Variants in OR52N4 observed in about 807,000 individuals in gnomAD.
OR52N4 encodes the protein olfactory receptor 52N4.
OR52N4 carries 15 observed loss-of-function variants against 15.0 expected under a neutral mutation model. That is an observed-to-expected ratio of 1.00 (90% CI 0.67 to 1.54). The LOEUF is 1.54. OR52N4 is among the 40% of genes most tolerant of loss of function. The pLI, the probability that OR52N4 is intolerant of heterozygous loss-of-function variation, is 0.00. For synonymous variants in OR52N4, 143 were observed against 143.7 expected (o/e 1.00, Z 0.03); for missense variants, 421 against 394.0 (o/e 1.07, Z -0.58).
the OR52N4 span, among the ~76,000 whole-genome samples, chr11:5,731,711 G>GC: frequency 1.3e-5 from 2 of 152,098 alleles, no homozygotes; most frequent in Admixed American, 1.3e-4. Flanking sequence ...TGCCATGTGA[G>GC]CCATGGAAAG....
chr11:5,755,387 T>A lies in OR52N4; in HGVS notation c.647T>A (p.Ile216Asn). ...LLIWGFDILCITNSYTMILRA... is the reference protein window; with the variant it reads ...LLIWGFDILCNTNSYTMILRA... ...ATTTGGGGCTTTGACATACTGTGTATCACCAACTCCTATACCATGATTCTC... is the reference window on the plus strand; with the variant it reads ...ATTTGGGGCTTTGACATACTGTGTAACACCAACTCCTATACCATGATTCTC... The change falls in exon 2 of 2, where the codon ATC (isoleucine) becomes AAC (asparagine). Residue 216 changes from isoleucine to asparagine, a missense_variant. Coordinates refer to ENST00000641350, the MANE Select transcript of OR52N4 (RefSeq NM_001005175.5). 1 of 1,614,054 alleles carries A rather than the reference T, an allele frequency of 6.2e-7. No homozygotes were observed. Among genetic ancestry groups the A allele is most frequent in the Non-Finnish European group, 8.5e-7 (1 of 1,179,986 alleles).
the OR52N4 span, chr11:5,737,020 G>C: frequency 6.2e-7 from 1 of 1,614,076 alleles, no homozygotes. Context: ...TCACTCCAGT[G>C]CCTGTGCTTG....
At chr11:5,729,958 T>C in the OR52N4 span, among the ~76,000 whole-genome samples, 1 of 152,188 alleles carries the variant, frequency 6.6e-6, no homozygotes, top group African/African-American at 2.4e-5. Flanking sequence ...TATCAGTTAC[T>C]TCTTGGATGT....
the OR52N4 span, among the ~76,000 whole-genome samples, chr11:5,741,382 T>C: frequency 6.6e-6 from 1 of 152,224 alleles, no homozygotes; most frequent in Admixed American, 6.5e-5. Context: ...AGACTCACTG[T>C]GACAGTGACT....
At chr11:5,737,293 CT>C in the OR52N4 span, 1 of 1,614,138 alleles carries the variant, frequency 6.2e-7, no homozygotes, top group Non-Finnish European at 8.5e-7. Flanking sequence ...TCATCCTTTT[CT>C]TTTACACTAT....
chr11:5,755,229 C>T lies in OR52N4; in HGVS notation c.489C>T (p.Phe163=), dbSNP rs1564958898. ...RGVLLIIPFT[F]LTKLLPYCRG... is the part of the protein sequence containing the mutation. ...TATTACTCATTATTCCCTTTACTTT[C>T]CTCACCAAGCTCCTGCCCTACTGCA... Residue 163 remains phenylalanine, a synonymous_variant, in exon 2 of 2, where the codon TTC becomes TTT. Coordinates refer to ENST00000641350, the MANE Select transcript of OR52N4 (RefSeq NM_001005175.5). 6.2e-7 allele frequency: 1 copy of T among 1,613,878 alleles called. No individual in the cohort carries two copies. Among genetic ancestry groups the T allele is most frequent in the Admixed American group, 1.7e-5 (1 of 59,974 alleles).
upstream of OR52N4, among the ~76,000 whole-genome samples, chr11:5,750,911 G>A (rs1854176634): frequency 6.6e-6 from 1 of 151,856 alleles, no homozygotes; most frequent in South Asian, 2.1e-4. Flanking sequence ...GAGTTTATAA[G>A]CTGCTATGTA....
the OR52N4 span, among the ~76,000 whole-genome samples, chr11:5,746,602 A>C: frequency 1.3e-5 from 2 of 152,212 alleles, no homozygotes; most frequent in Non-Finnish European, 2.9e-5. Context: ...TTAAAACCAC[A>C]ATGAGATATT....
chr11:5,752,392 T>C (rs534115694), upstream of OR52N4, among the ~76,000 whole-genome samples: 7 of 152,328 alleles, frequency 4.6e-5, no homozygotes, highest in South Asian at 1.5e-3. Context: ...GTGACTGTAC[T>C]TCCTATCAGA....
chr11:5,730,037 T>A, the OR52N4 span, among the ~76,000 whole-genome samples: 2 of 150,286 alleles, frequency 1.3e-5, no homozygotes, highest in Non-Finnish European at 3.0e-5. Flanking sequence ...ATAACCTTAG[T>A]GATTTTTTTT....
the OR52N4 span, chr11:5,738,431 G>A: frequency 6.6e-6 from 1 of 151,078 alleles, no homozygotes; most frequent in Admixed American, 6.6e-5. Flanking sequence ...AGTAGTCTCT[G>A]AGTGCCCAGC....
chr11:5,736,644 T>C, the OR52N4 span: 1 of 1,614,032 alleles, frequency 6.2e-7, no homozygotes, highest in East Asian at 2.2e-5. Context: ...CTGGCACTAC[T>C]GTATCTCTCA....
the OR52N4 span, among the ~76,000 whole-genome samples, chr11:5,743,036 A>G: frequency 4.6e-5 from 7 of 152,190 alleles, no homozygotes; most frequent in Non-Finnish European, 1.0e-4. Flanking sequence ...CAAAGCAAAA[A>G]GGTATAAAAA....
chr11:5,737,302 T>C, the OR52N4 span: 19 of 1,614,096 alleles, frequency 1.2e-5, no homozygotes, highest in Non-Finnish European at 1.6e-5. Context: ...TCTTTTACAC[T>C]ATTGTTGTAG....
At chr11:5,737,217 T>C in the OR52N4 span, 1 of 1,614,124 alleles carries the variant, frequency 6.2e-7, no homozygotes, top group Non-Finnish European at 8.5e-7. Context: ...CTGTACTCTG[T>C]ACTTAGACTG....
the OR52N4 span, among the ~76,000 whole-genome samples, chr11:5,735,181 C>A: frequency 6.6e-6 from 1 of 151,980 alleles, no homozygotes; most frequent in Non-Finnish European, 1.5e-5. Context: ...CCTGCAATAG[C>A]TTCCACCATG....
the OR52N4 span, among the ~76,000 whole-genome samples, chr11:5,745,472 C>G: frequency 2.0e-5 from 3 of 151,902 alleles, no homozygotes; most frequent in Non-Finnish European, 4.4e-5. Flanking sequence ...TATACAATAC[C>G]TAGGAATACA....
the OR52N4 span, among the ~76,000 whole-genome samples, chr11:5,749,097 A>G: frequency 1.3e-5 from 2 of 151,116 alleles, no homozygotes; most frequent in Non-Finnish European, 3.0e-5. Context: ...AGGAATTTAT[A>G]GGCTGATAGC....
chr11:5,731,392 G>T, the OR52N4 span, among the ~76,000 whole-genome samples: 2 of 152,176 alleles, frequency 1.3e-5, no homozygotes, highest in Non-Finnish European at 1.5e-5. Flanking sequence ...GGCAAGAATT[G>T]TGATAATATC....
Sources: allele counts gnomAD v4.1 joint callset (sites outside exome capture counted in the v4.1 genomes callset), GRCh38; gene constraint gnomAD v4.1.1; transcripts MANE v1.5; gene names NCBI Gene and HGNC (gene_info 2026-07-23, HGNC 2026-07-21).